The following OLR1 variants were observed in gnomAD, a reference collection of about 807,000 sequenced individuals.
The protein encoded by OLR1 is oxidized low-density lipoprotein receptor 1.
Under a neutral mutation model 31.7 loss-of-function variants are expected in OLR1, and 23 were observed. The ratio of observed to expected loss-of-function variants is 0.72; its 90% CI spans 0.52 to 1.03. The LOEUF (loss-of-function observed/expected upper bound fraction) is 1.03, where lower values mean the gene tolerates loss of function less well. OLR1 is among the 50% of genes least tolerant of loss of function. The probability of loss-of-function intolerance (pLI) is 0.00; values close to 1 mark genes in which losing one functional copy is unlikely to be tolerated. For synonymous variants in OLR1, 117 were observed against 115.8 expected (o/e 1.01, Z -0.07); for missense variants, 286 against 315.7 (o/e 0.91, Z 0.71).
chr12:10,170,491 C>CTTTTTTTTTTTTT (rs11377412), intron 1 of OLR1: 7 of 116,298 alleles, frequency 6.0e-5, no homozygotes, highest in African/African-American at 2.0e-4. Flanking sequence ...TCATCGTGCT[C>CTTTTTTTTTTTTT]TTTTTTTTTT....
chr12:10,167,881 A>C (rs1948675990), intron 2 of OLR1, among the ~76,000 whole-genome samples: 1 of 152,162 alleles, frequency 6.6e-6, no homozygotes, highest in African/African-American at 2.4e-5. Flanking sequence ...CAGTTCCTGA[A>C]TTTTGATGGT....
upstream of OLR1, among the ~76,000 whole-genome samples, chr12:10,173,580 G>A (rs1948742460): frequency 6.6e-6 from 1 of 151,544 alleles, no homozygotes; most frequent in African/African-American, 2.4e-5. Flanking sequence ...TCAGGAGTTC[G>A]AGACCAGCCT....
chr12:10,168,146 T>G (rs989057686), intron 2 of OLR1, among the ~76,000 whole-genome samples: 2 of 152,224 alleles, frequency 1.3e-5, no homozygotes, highest in African/African-American at 4.8e-5. Context: ...TTCTACAACC[T>G]AAATTCACAG....
rs1312687978 is a variant in OLR1 at position 10,172,009 on chromosome 12, T to G, written c.69A>C (p.Lys23Asn). Residue 23 changes from lysine (K) to asparagine (N), a missense_variant, in exon 1 of 6, where the codon AAA becomes AAC. Transcript: ENST00000309539. ...TTTTCCCATCCCTAGTACCTTTAGC[T>G]TTTTTTCCATTTGACTTCTCATCAG... ...DQPDEKSNGKKAKGLQFLYSP... is the reference protein window; with the variant it reads ...DQPDEKSNGKNAKGLQFLYSP... 1 of 1,610,186 alleles carries G rather than the reference T, an allele frequency of 6.2e-7. No homozygotes were observed. The highest frequency in any genetic ancestry group is 1.7e-5 in the Admixed American group (1 of 59,970).
chr12:10,166,813 G>A lies in OLR1; in HGVS notation c.323C>T (p.Thr108Ile). 6.2e-7 allele frequency: 1 copy of A among 1,613,722 alleles called. No homozygotes were observed. The highest frequency in any genetic ancestry group is 8.5e-7 in the Non-Finnish European group (1 of 1,179,988). Residue 108 changes from threonine to isoleucine, a missense_variant, in exon 3 of 6, where the codon ACC becomes ATC. Transcript: ENST00000309539. ...SENELKEMIE[T>I]LARKLNEKSK... The stretch of plus-strand genomic sequence containing the variant: ...TTTCTCATTCAGCTTCCGAGCAAGG[G>A]TTTCTATCATTTCCTTGAGTTCGTT...
chr12:10,160,325 T>A lies in OLR1; in HGVS notation c.680+22A>T, dbSNP rs757512977. The A allele has an allele frequency of 1.9e-6, 3 of 1,570,690 alleles. No homozygotes were observed. The African/African-American group carries it at 4.1e-5, about 21-fold the overall frequency. On this transcript the variant is annotated intron_variant, in intron 5 of 5. Coordinates refer to ENST00000309539, the MANE Select transcript of OLR1 (RefSeq NM_002543.4). ...GAATAGGAAACTGACGAGAGAGGCA[T>A]CAAAAAGAATGGGAAACTTACAAGT... is the stretch of plus-strand genomic sequence containing the variant.
At position 10,160,370 on chromosome 12, in the gene OLR1, G is replaced by A. The variant is rs143565495; in HGVS notation, c.657C>T (p.Asp219=). Residue 219 remains aspartate (D), a synonymous_variant, in exon 5 of 6, where the codon GAC becomes GAT. Transcript: ENST00000309539. ...RNPSYPWLWE[D]GSPLMPHLFR... is the part of the protein sequence containing the mutation. ...ACAAGTGGGGCATCAAAGGAGAACC[G>A]TCCTCCCAGAGCCATGGGTAGCTGG... 9.9e-6 allele frequency: 16 copies of A among 1,613,348 alleles called. No homozygotes were observed. The highest frequency in any genetic ancestry group is 6.7e-5 in the East Asian group (3 of 44,884).
intron 4 of OLR1, 110 bp from the exon 5 acceptor site, chr12:10,160,572 C>T (rs1349944041): frequency 3.0e-6 from 3 of 1,004,492 alleles, no homozygotes; most frequent in African/African-American, 1.6e-5. Flanking sequence ...GTATCTTTGA[C>T]ATCCCCTTGA....
chr12:10,166,752 C>G lies in OLR1; in HGVS notation c.384G>C (p.Leu128=), dbSNP rs997874281. The G allele has an allele frequency of 1.9e-6, 3 of 1,614,018 alleles. No homozygotes were observed. The highest frequency in any genetic ancestry group is 2.5e-6 in the Non-Finnish European group (3 of 1,180,000). Residue 128 remains leucine (L), a synonymous_variant, in exon 3 of 6, where the codon CTG becomes CTC. Coordinates refer to ENST00000309539, the MANE Select transcript of OLR1 (RefSeq NM_002543.4). The part of the protein sequence containing the change: ...KEQMELHHQN[L]NLQETLKRVA... ...CTCTCTTCAGTGTTTCTTGGAGATT[C>G]AGATTCTGGTGGTGAAGTTCCATTT... is the stretch of plus-strand genomic sequence containing the variant.
rs1252664148 is a variant in OLR1 at position 10,169,116 on chromosome 12, A to G, written c.136T>C (p.Cys46Arg). ...CLAAATLGVL[C>R]LGLVVTIMVL... The stretch of plus-strand genomic sequence containing the variant: ...ATAATGGTCACTACTAATCCCAGGC[A>G]AAGGACCCCTAGAGTCGCAGCAGCC... Residue 46 changes from cysteine (C) to arginine (R), a missense_variant, in exon 2 of 6, where the codon TGC (cysteine) becomes CGC (arginine). Transcript: ENST00000309539. 3.1e-6 allele frequency: 5 copies of G among 1,613,904 alleles called. No individual in the cohort carries two copies. Among genetic ancestry groups the G allele is most frequent in the Non-Finnish European group, 2.5e-6 (3 of 1,179,982 alleles).
At chr12:10,160,515 T>G in intron 4 of OLR1, 53 bp from the exon 5 acceptor site, 1 of 1,409,412 alleles carries the variant, frequency 7.1e-7, no homozygotes, top group Non-Finnish European at 9.9e-7. Flanking sequence ...GGTTTTAGAA[T>G]CTGAAAGTCA....
intron 2 of OLR1, chr12:10,167,651 C>T (rs1948674202): frequency 6.6e-6 from 1 of 152,196 alleles, no homozygotes; most frequent in Non-Finnish European, 1.5e-5. Flanking sequence ...TCTGCTGTGT[C>T]TCCTCCCATT....
In OLR1 at chr12:10,166,827, C is replaced by T. The variant is rs146929021; in HGVS notation, c.309G>A (p.Lys103=). The change falls in exon 3 of 6, where the codon AAG becomes AAA. Residue 103 remains lysine (K), a synonymous_variant. Transcript: ENST00000309539. ...TCCGAGCAAGGGTTTCTATCATTTC[C>T]TTGAGTTCGTTTTCTGACTCCTGTG... ...EASQESENEL[K]EMIETLARKL... 11 of 1,613,638 alleles carry T rather than the reference C, an allele frequency of 6.8e-6. No individual in the cohort carries two copies. The highest frequency in any genetic ancestry group is 9.3e-6 in the Non-Finnish European group (11 of 1,179,964).
chr12:10,158,465 T>A lies in OLR1; in HGVS notation c.*1415A>T, dbSNP rs1224823171. 1.3e-5 allele frequency: 2 copies of A among 151,952 alleles called. No individual in the cohort carries two copies. Among genetic ancestry groups the A allele is most frequent in the Non-Finnish European group, 2.9e-5 (2 of 68,024 alleles). 9.4% of individuals were successfully genotyped at this position (151,952 alleles called of 1,614,324 possible). A position where few individuals can be genotyped will look rare whatever the true frequency, so the allele number is the denominator to read the frequency against. On this transcript the variant is annotated 3_prime_UTR_variant, in exon 6 of 6. Coordinates refer to ENST00000309539, the MANE Select transcript of OLR1 (RefSeq NM_002543.4). ...ATACGAGCATCAAGATGGAGACATA[T>A]GAATCTCAAAATAATTATGCAAAGT...
At chr12:10,172,790 T>G (rs1948734295), upstream of OLR1, among the ~76,000 whole-genome samples, 1 of 152,168 alleles carries the variant, frequency 6.6e-6, no homozygotes. Flanking sequence ...TATGTCTTTG[T>G]CTGGAAATTA....
At chr12:10,167,422 CA>C (rs961540589) in intron 2 of OLR1, 5 of 152,392 alleles carry the variant, frequency 3.3e-5, no homozygotes, top group Admixed American at 1.3e-4. Flanking sequence ...AGCCTGGCGA[CA>C]GAGGGGGACT....
At position 10,159,287 on chromosome 12, in the gene OLR1, A is replaced by ATGTATG. The variant is rs1555086607; in HGVS notation, c.*592_*593insCATACA. ...TCTTGGGCTCCCCACTTGTCCCAAA[A>ATGTATG]TGTGTGTGTGTGTGTGTGTGTGTGT... On this transcript the variant is annotated 3_prime_UTR_variant, in exon 6 of 6. Transcript: ENST00000309539. The ATGTATG allele has an allele frequency of 1.3e-5, 2 of 148,286 alleles. No individual in the cohort carries two copies. The highest frequency in any genetic ancestry group is 6.7e-5 in the Admixed American group (1 of 14,858). The allele number at this position is 148,286 out of a possible 1,614,324, so 9.2% of individuals were successfully genotyped here. A position where few individuals can be genotyped will look rare whatever the true frequency, so the allele number is the denominator to read the frequency against.
intron 3 of OLR1, among the ~76,000 whole-genome samples, chr12:10,162,728 T>G (rs376429864): frequency 1.3e-5 from 2 of 152,162 alleles, no homozygotes; most frequent in East Asian, 1.9e-4. Flanking sequence ...CTTAGGAGAC[T>G]GAGGTGGAAG....
At chr12:10,173,439 CCT>C (rs1444355973), upstream of OLR1, among the ~76,000 whole-genome samples, 1 of 152,064 alleles carries the variant, frequency 6.6e-6, no homozygotes, top group African/African-American at 2.4e-5. Context: ...CCTCCTCCTC[CCT>C]GTTTCCTATA....
Sources: allele counts gnomAD v4.1 joint callset (sites outside exome capture counted in the v4.1 genomes callset), GRCh38; gene constraint gnomAD v4.1.1; transcripts MANE v1.5; gene names NCBI Gene and HGNC (gene_info 2026-07-23, HGNC 2026-07-21).